The following MXRA5 variants were observed in gnomAD, a reference collection of about 807,000 sequenced individuals.
MXRA5 encodes matrix remodeling associated 5.
In MXRA5, 41 loss-of-function variants were observed where a neutral mutation model predicts 112.5. The ratio of observed to expected loss-of-function variants is 0.36; its 90% CI spans 0.28 to 0.47. The LOEUF (loss-of-function observed/expected upper bound fraction) is 0.47, where lower values mean the gene tolerates loss of function less well. MXRA5 is among the 20% of genes least tolerant of loss of function. The pLI is 0.99. For missense variants in MXRA5, 2,150 were observed against 2,251.0 expected (o/e 0.96, Z 0.91); for synonymous variants, 862 against 900.8 (o/e 0.96, Z 0.77).
intron 3 of MXRA5, 86 bp downstream of exon 3, chrX:3,330,558 A>G (rs759414400): frequency 2.6e-6 from 3 of 1,148,527 alleles, no homozygotes; most frequent in Non-Finnish European, 3.5e-6. Context: ...TTTATTGATC[A>G]TTAAGGAGAA....
At chrX:3,314,471 T>C (rs1569181048) in intron 6 of MXRA5, among the ~76,000 whole-genome samples, 2 of 111,358 alleles carry the variant, frequency 1.8e-5, no homozygotes, top group Non-Finnish European at 3.8e-5. Flanking sequence ...GCTAGATAGA[T>C]GAGTAGACAG....
chrX:3,330,365 T>A lies in MXRA5; in HGVS notation c.362A>T (p.Gln121Leu). ...TAAGTTAGAGAGACCCTGGAGGGTC[T>A]GTCCTGTGATCACTCTCAGCTTGTT... ...SYNKLRVITG[Q>L]TLQGLSNLMR... The change falls in exon 4 of 7, where the codon CAG becomes CTG. Residue 121 changes from glutamine (Q) to leucine (L), a missense_variant. This residue lies in a region of MXRA5 where 386 missense variants were observed against 411.0 expected (regional missense o/e 0.94). Coordinates refer to ENST00000217939, the MANE Select transcript of MXRA5 (RefSeq NM_015419.4). 3.3e-6 allele frequency: 4 copies of A among 1,208,348 alleles called. No homozygotes were observed. The East Asian group carries it at 1.2e-4, about 36-fold the overall frequency.
chrX:3,333,281 C>CAACA (rs1381337840), intron 2 of MXRA5, among the ~76,000 whole-genome samples: 1 of 50,522 alleles, frequency 2.0e-5, no homozygotes, highest in Non-Finnish European at 3.4e-5. Context: ...CCAGCCTGGG[C>CAACA]AACAGAGCAA....
chrX:3,310,391 G>A lies in MXRA5; in HGVS notation c.7812C>T (p.Ser2604=), dbSNP rs758726001. ...YHKADGMLHI[S]GLSSVDAGAY... is the part of the protein sequence containing the mutation. ...CCCCGGCGTCCACCGAGGAGAGACC[G>A]CTAATGTGTAGCATGCCGTCAGCCT... Residue 2604 remains serine (S), a synonymous_variant, in exon 7 of 7, where the codon AGC becomes AGT. Coordinates refer to ENST00000217939, the MANE Select transcript of MXRA5 (RefSeq NM_015419.4). 37 of 1,202,890 alleles carry A rather than the reference G, an allele frequency of 3.1e-5. No individual in the cohort carries two copies. Among genetic ancestry groups the A allele is most frequent in the Non-Finnish European group, 1.1e-5 (10 of 891,776 alleles).
rs1187178936 is a variant in MXRA5, at chrX:3,330,635, T to TG, written c.318+8dup. ...AATTTAGTGACGCTTATAAATGCCG[T>TG]GGGTTTACCTGAAGAGAGCTGAGGT... On this transcript the variant is annotated intron_variant, in intron 3 of 6. Coordinates refer to ENST00000217939, the MANE Select transcript of MXRA5 (RefSeq NM_015419.4). 1 of 1,205,133 alleles carries TG rather than the reference T, an allele frequency of 8.3e-7. No homozygotes were observed. The highest frequency in any genetic ancestry group is 2.2e-5 in the Admixed American group (1 of 44,498).
Position 3,322,673 on chromosome X carries a change from G to A in MXRA5, c.3012C>T (p.Thr1004=). The change falls in exon 5 of 7, where the codon ACC becomes ACT. Residue 1004 remains threonine, a synonymous_variant. Transcript: ENST00000217939. ...KEDTFAHLTP[T]PTIWVNDSST... ...TGGAGTCATTAACCCAGATGGTGGG[G>A]GTTGGAGTAAGGTGTGCAAAGGTGT... 1.7e-6 allele frequency: 2 copies of A among 1,211,477 alleles called. No individual in the cohort carries two copies. Among genetic ancestry groups the A allele is most frequent in the Non-Finnish European group, 1.1e-6 (1 of 895,424 alleles).
intron 4 of MXRA5, among the ~76,000 whole-genome samples, chrX:3,329,787 C>G (rs1310034884): frequency 7.2e-5 from 8 of 111,670 alleles, no homozygotes; most frequent in Non-Finnish European, 1.9e-5. Flanking sequence ...ATTACATGAG[C>G]ACTACATTTC....
intron 4 of MXRA5, among the ~76,000 whole-genome samples, chrX:3,326,715 G>C (rs1370476798): frequency 1.8e-5 from 2 of 109,891 alleles, no homozygotes; most frequent in African/African-American, 6.6e-5. Flanking sequence ...GGCCACAACT[G>C]GGTCTCAGTC....
chrX:3,325,490 A>C (rs1432587461), intron 4 of MXRA5, among the ~76,000 whole-genome samples: 1 of 105,644 alleles, frequency 9.5e-6, no homozygotes, highest in Non-Finnish European at 1.9e-5. Flanking sequence ...ACAAATATGT[A>C]TCTATCTTAA....
At position 3,323,470 on chromosome X, in the gene MXRA5, T is replaced by C. The variant is rs41310262; in HGVS notation, c.2215A>G (p.Lys739Glu). 1 of 1,210,407 alleles carries C rather than the reference T, an allele frequency of 8.3e-7. No homozygotes were observed. Among genetic ancestry groups the C allele is most frequent in the Non-Finnish European group, 1.1e-6 (1 of 895,357 alleles). Reference sequence around the variant, plus strand: ...CAGAGTTTCAGCTTTCTTCTCCCTTTCTTGGCTTTCTTGTCTCCATTGATG... The same window carrying C: ...CAGAGTTTCAGCTTTCTTCTCCCTTCCTTGGCTTTCTTGTCTCCATTGATG... Reference protein sequence around the residue: ...DAINGDKKAKKGRRKLKLWKH... With the variant: ...DAINGDKKAKEGRRKLKLWKH... Residue 739 changes from lysine to glutamate, a missense_variant, in exon 5 of 7, where the codon AAA becomes GAA. Coordinates refer to ENST00000217939, the MANE Select transcript of MXRA5 (RefSeq NM_015419.4).
intron 5 of MXRA5, 134 bp from the exon 6 acceptor site, chrX:3,318,137 T>C: frequency 2.0e-6 from 1 of 494,329 alleles, no homozygotes; most frequent in Non-Finnish European, 3.2e-6. Context: ...GGTAGAATGT[T>C]TTAGTGTTTT....
chrX:3,316,956 G>T, intron 6 of MXRA5, 147 bp downstream of exon 6: 1 of 692,355 alleles, frequency 1.4e-6, no homozygotes, highest in Non-Finnish European at 2.0e-6. Context: ...GATTACAGGC[G>T]TGAGCCACCG....
At position 3,321,659 on chromosome X, in the gene MXRA5, T is replaced by A; in HGVS notation, c.4026A>T (p.Leu1342Phe). ...TNVDKHKSDILVTGESITNAI... is the reference protein window; with the variant it reads ...TNVDKHKSDIFVTGESITNAI... ...CATTAGTAATTGATTCACCAGTGAC[T>A]AAAATGTCACTTTTATGTTTGTCAA... The change falls in exon 5 of 7, where the codon TTA becomes TTT. Residue 1342 changes from leucine to phenylalanine, a missense_variant. By Grantham distance (22) the Leu-to-Phe change is conservative (BLOSUM62 0). Transcript: ENST00000217939. 1 of 1,210,066 alleles carries A rather than the reference T, an allele frequency of 8.3e-7. No individual in the cohort carries two copies. Among genetic ancestry groups the A allele is most frequent in the South Asian group, 1.8e-5 (1 of 56,925 alleles).
In MXRA5 at chrX:3,317,291, G is replaced by C. The variant is rs761305099; in HGVS notation, c.6390C>G (p.Ser2130=). Residue 2130 remains serine (S), a synonymous_variant, in exon 6 of 7, where the codon TCC becomes TCG. Transcript: ENST00000217939. ...YECVAANLVG[S]ARRTVQLNVQ... ...CGTTCAGCTGCACCGTCCTGCGCGC[G>C]GAGCCTACCAGGTTGGCGGCCACGC... is the stretch of plus-strand genomic sequence containing the variant. 4.6e-5 allele frequency: 56 copies of C among 1,205,121 alleles called. No homozygotes were observed. The highest frequency in any genetic ancestry group is 6.3e-5 in the Non-Finnish European group (56 of 892,042).
chrX:3,321,132 A>G lies in MXRA5; in HGVS notation c.4553T>C (p.Ile1518Thr), dbSNP rs138951060. 4 of 1,210,212 alleles carry G rather than the reference A, an allele frequency of 3.3e-6. No homozygotes were observed. The African/African-American group carries it at 7.0e-5, about 21-fold the overall frequency. ...CTTGGAATCTCTAGATGCTTGAGAT[A>G]TTCTTGGACTGGGAAGTGCTGGCTT... ...TTKPALPSPRISQASRDSKEN... is the reference protein window; with the variant it reads ...TTKPALPSPRTSQASRDSKEN... The change falls in exon 5 of 7, where the codon ATA (isoleucine) becomes ACA (threonine). Residue 1518 changes from isoleucine to threonine, a missense_variant. Ile to Thr is a moderately conservative substitution (Grantham distance 89, BLOSUM62 -1). Transcript: ENST00000217939.
intron 4 of MXRA5, among the ~76,000 whole-genome samples, chrX:3,328,858 G>T (rs1382871986): frequency 9.9e-6 from 1 of 101,008 alleles, no homozygotes; most frequent in Non-Finnish European, 2.0e-5. Context: ...AGAAAGGAAG[G>T]CAGGAGAGAA....
Position 3,321,164 on chromosome X carries a change from G to T in MXRA5, c.4521C>A (p.Thr1507=), listed in dbSNP as rs1414012738. 4.1e-6 allele frequency: 5 copies of T among 1,211,831 alleles called. No individual in the cohort carries two copies. The African/African-American group carries it at 8.6e-5, about 21-fold the overall frequency. Residue 1507 remains threonine (T), a synonymous_variant, in exon 5 of 7, where the codon ACC becomes ACA. Coordinates refer to ENST00000217939, the MANE Select transcript of MXRA5 (RefSeq NM_015419.4). ...GACTGGGAAGTGCTGGCTTAGTGGT[G>T]GTGGTTTGTCCCAAAGACATGAGAA... is the stretch of plus-strand genomic sequence containing the variant. ...STILMSLGQT[T]TTKPALPSPR... is the part of the protein sequence containing the mutation.
chrX:3,341,500 T>G (rs1163656200), intron 2 of MXRA5, among the ~76,000 whole-genome samples: 1 of 21,755 alleles, frequency 4.6e-5, no homozygotes, highest in Non-Finnish European at 5.9e-5. Flanking sequence ...TAATATATAT[T>G]ATTATTATAT....
At chrX:3,345,446 CCA>C (rs925397361) in intron 1 of MXRA5, among the ~76,000 whole-genome samples, 17 of 113,064 alleles carry the variant, frequency 1.5e-4, no homozygotes, top group Non-Finnish European at 2.8e-4. Context: ...TGGGCTGGTT[CCA>C]AGGGCAGCCG....
Sources: allele counts gnomAD v4.1 joint callset (sites outside exome capture counted in the v4.1 genomes callset), GRCh38; gene constraint gnomAD v4.1.1; regional missense constraint gnomAD v4.1.1; transcripts MANE v1.5; gene names NCBI Gene and HGNC (gene_info 2026-07-23, HGNC 2026-07-21).